KCNQ1: variants seen among roughly 807,000 people sequenced by gnomAD.
KCNQ1 encodes potassium voltage-gated channel subfamily Q member 1.
KCNQ1 carries 49 observed loss-of-function variants against 72.4 expected under a neutral mutation model. The ratio of observed to expected loss-of-function variants is 0.68; its 90% CI spans 0.54 to 0.86. The LOEUF (loss-of-function observed/expected upper bound fraction) is 0.86. KCNQ1 is among the 40% of genes least tolerant of loss of function. KCNQ1 has a pLI of 0.00. For missense variants in KCNQ1, 790 were observed against 945.1 expected (o/e 0.84, Z 2.15); for synonymous variants, 450 against 412.6 (o/e 1.09, Z -1.10).
At position 2,827,262 on chromosome 11, in the gene KCNQ1, C is replaced by T. The variant is rs188329630; in HGVS notation, c.1795-20505C>T. 3.3e-5 allele frequency among the ~76,000 whole-genome samples: 5 copies of T among 152,030 alleles called. No homozygotes were observed. In the East Asian group the frequency reaches 7.8e-4, roughly 24 times the overall value. ...CCAAATAAGAGAGAACTTTGCCACC[C>T]GCAGGGTCCCAGAGTAGCAGAAGCT... is the stretch of plus-strand genomic sequence containing the variant. On this transcript the variant is annotated intron_variant, in intron 15 of 15. Transcript: ENST00000155840. The surrounding 1 kb of genome is among the most constrained non-coding windows in gnomAD (Gnocchi z 6.7).
chr11:2,718,422 C>A (rs778263222), intron 11 of KCNQ1, among the ~76,000 whole-genome samples: 5 of 152,212 alleles, frequency 3.3e-5, no homozygotes, highest in African/African-American at 1.2e-4. Flanking sequence ...GCAGCACCAG[C>A]CCCTCCCCGT....
intron 12 of KCNQ1, among the ~76,000 whole-genome samples, chr11:2,774,760 A>G (rs1846660660): frequency 6.6e-6 from 1 of 152,176 alleles, no homozygotes; most frequent in South Asian, 2.1e-4. Context: ...AAGTGGCTGC[A>G]TCCTCAGATT....
Position 2,445,282 on chromosome 11 carries a change from G to T in KCNQ1, c.184G>T (p.Ala62Ser). 3.1e-6 allele frequency: 4 copies of T among 1,309,596 alleles called. No homozygotes were observed. The highest frequency in any genetic ancestry group is 2.9e-6 in the Non-Finnish European group (3 of 1,035,312). 81.1% of individuals were successfully genotyped at this position (1,309,596 alleles called of 1,614,324 possible). A position where few individuals can be genotyped will look rare whatever the true frequency, so the allele number is the denominator to read the frequency against. The change falls in exon 1 of 16, where the codon GCG becomes TCG. Residue 62 changes from alanine (A) to serine (S), a missense_variant. Ala to Ser is a moderately conservative substitution (Grantham distance 99). Around this residue, in one of 5 missense-constraint regions of KCNQ1, gnomAD observed 294 missense variants for 323.3 expected, o/e 0.91. Coordinates refer to ENST00000155840, the MANE Select transcript of KCNQ1 (RefSeq NM_000218.3). ...CATCGCGCCCGGCGCCCCAGGTCCCGCGCCCCCTGCGTCCCCGGCCGCGCC... is the reference window on the plus strand; with the variant it reads ...CATCGCGCCCGGCGCCCCAGGTCCCTCGCCCCCTGCGTCCCCGGCCGCGCC... ...APIAPGAPGP[A>S]PPASPAAPAA...
rs989880001 is a variant in KCNQ1, at chr11:2,787,804, A to G, written c.1794+9767A>G. The stretch of plus-strand genomic sequence containing the variant: ...TTTACCATTGAAAAAGGAGATTCCC[A>G]TGCCTAAGTCATTTCAAACATACTG... On this transcript the variant is annotated intron_variant, in intron 15 of 15. Coordinates refer to ENST00000155840, the MANE Select transcript of KCNQ1 (RefSeq NM_000218.3). The surrounding 1 kb of genome is among the most constrained non-coding windows in gnomAD (Gnocchi z 6.3). 6.6e-6 allele frequency among the ~76,000 whole-genome samples: 1 copy of G among 152,218 alleles called. No individual in the cohort carries two copies. Among genetic ancestry groups the G allele is most frequent in the African/African-American group, 2.4e-5 (1 of 41,452 alleles).
At position 2,613,136 on chromosome 11, in the gene KCNQ1, G is replaced by A; in HGVS notation, c.1393+24282G>A. ...TGAGCCAGTGAATCTTCCACCCTCT[G>A]CTGAGGGGATCTATGTGTGGGTTGG... On this transcript the variant is annotated intron_variant, in intron 10 of 15. Coordinates refer to ENST00000155840, the MANE Select transcript of KCNQ1 (RefSeq NM_000218.3). This position sits in a 1 kb window ranked among gnomAD's most constrained non-coding sequence, Gnocchi z 4.8. The A allele has an allele frequency of 2.5e-6, 1 of 398,636 alleles. No homozygotes were observed. Among genetic ancestry groups the A allele is most frequent in the Non-Finnish European group, 4.4e-6 (1 of 226,088 alleles). 24.7% of individuals were successfully genotyped at this position (398,636 alleles called of 1,614,324 possible).
At chr11:2,681,733 C>A (rs1432356061) in intron 11 of KCNQ1, 5 of 397,320 alleles carry the variant, frequency 1.3e-5, no homozygotes, top group Non-Finnish European at 2.2e-5. Context: ...GTATTGTGGG[C>A]ACTGATCACA....
intron 1 of KCNQ1, among the ~76,000 whole-genome samples, chr11:2,474,324 G>A (rs1277836482): frequency 6.6e-6 from 1 of 152,166 alleles, no homozygotes; most frequent in Non-Finnish European, 1.5e-5. Flanking sequence ...GCGAGGGTGA[G>A]CCTAGGGCAG....
rs761538546 is a variant in KCNQ1 at position 2,445,338 on chromosome 11, C to T, written c.240C>T (p.Gly80=). The T allele has an allele frequency of 9.4e-6, 15 of 1,590,288 alleles. No homozygotes were observed. The South Asian group carries it at 1.4e-4, about 15-fold the overall frequency. Residue 80 remains glycine, a synonymous_variant, in exon 1 of 16, where the codon GGC becomes GGT. Coordinates refer to ENST00000155840, the MANE Select transcript of KCNQ1 (RefSeq NM_000218.3). The part of the protein sequence containing the change: ...PAAPPVASDL[G]PRPPVSLDPR... Reference sequence around the variant, plus strand: ...CGCCCCCAGTTGCCTCCGACCTTGGCCCGCGGCCGCCGGTGAGCCTAGACC... The same window carrying T: ...CGCCCCCAGTTGCCTCCGACCTTGGTCCGCGGCCGCCGGTGAGCCTAGACC...
chr11:2,681,334 C>T (rs942674980), intron 11 of KCNQ1: 8 of 398,296 alleles, frequency 2.0e-5, no homozygotes, highest in Admixed American at 1.3e-4. Context: ...CAACTGTGAC[C>T]GTCTTTTCCT....
chr11:2,472,226 C>A (rs960616707), intron 1 of KCNQ1, among the ~76,000 whole-genome samples: 2 of 131,412 alleles, frequency 1.5e-5, no homozygotes, highest in African/African-American at 5.9e-5. Flanking sequence ...TGTGTGTGTT[C>A]ATGTATATAT....
At chr11:2,847,428 G>A (rs183616565) in intron 15 of KCNQ1, among the ~76,000 whole-genome samples, 35 of 152,332 alleles carry the variant, frequency 2.3e-4, no homozygotes, top group African/African-American at 6.0e-4. Flanking sequence ...CCTGCCATGC[G>A]GGGATGTGGC....
At chr11:2,757,728 A>T (rs1846327413) in intron 11 of KCNQ1, among the ~76,000 whole-genome samples, 1 of 152,274 alleles carries the variant, frequency 6.6e-6, no homozygotes, top group Admixed American at 6.5e-5. Flanking sequence ...GCTCAACAGA[A>T]CAGAACGAGG....
In KCNQ1 at chr11:2,475,537, A is replaced by G. The variant is rs928315933; in HGVS notation, c.386+30053A>G. The stretch of plus-strand genomic sequence containing the variant: ...TAAAGATTTTCAAGCACACACACCT[A>G]AAGATAGCAGACATTCCATTCAACC... On this transcript the variant is annotated intron_variant, in intron 1 of 15. Transcript: ENST00000155840. The surrounding 1 kb of genome is among the most constrained non-coding windows in gnomAD (Gnocchi z 5.8). Among the ~76,000 whole-genome samples the G allele has an allele frequency of 6.6e-6, 1 of 152,252 alleles. No homozygotes were observed. Among genetic ancestry groups the G allele is most frequent in the Non-Finnish European group, 1.5e-5 (1 of 68,046 alleles).
intron 7 of KCNQ1, among the ~76,000 whole-genome samples, chr11:2,584,476 AGTGTTAGTGT>A (rs1250870329): frequency 6.2e-5 from 9 of 144,628 alleles, no homozygotes; most frequent in African/African-American, 2.1e-4. Flanking sequence ...AGTGTATGTT[AGTGTTAGTGT>A]GTGTTAGTAT....
In KCNQ1 at chr11:2,458,460, T is replaced by C. The variant is rs555136776; in HGVS notation, c.386+12976T>C. Among the ~76,000 whole-genome samples the C allele has an allele frequency of 3.8e-4, 58 of 152,334 alleles. No homozygotes were observed. Among genetic ancestry groups the C allele is most frequent in the Non-Finnish European group, 7.5e-4 (51 of 68,032 alleles). Reference sequence around the variant, plus strand: ...AGTAGCTGATGGGGTTGCGTCCTTCTTTGGGACTCCCGCAGATGCCTGAGG... The same window carrying C: ...AGTAGCTGATGGGGTTGCGTCCTTCCTTGGGACTCCCGCAGATGCCTGAGG... On this transcript the variant is annotated intron_variant, in intron 1 of 15. Coordinates refer to ENST00000155840, the MANE Select transcript of KCNQ1 (RefSeq NM_000218.3). This position sits in a 1 kb window ranked among gnomAD's most constrained non-coding sequence, Gnocchi z 4.6.
chr11:2,645,792 G>A lies in KCNQ1; in HGVS notation c.1394-16169G>A, dbSNP rs1237919312. 1 of 398,760 alleles carries A rather than the reference G, an allele frequency of 2.5e-6. No homozygotes were observed. The highest frequency in any genetic ancestry group is 2.1e-5 in the African/African-American group (1 of 48,748). 24.7% of individuals were successfully genotyped at this position (398,760 alleles called of 1,614,324 possible). A position where few individuals can be genotyped will look rare whatever the true frequency, so the allele number is the denominator to read the frequency against. The stretch of plus-strand genomic sequence containing the variant: ...TGGGGCCCACAGCAGATGCAGTCTG[G>A]TGGGGGTTGGGCTATCAAAATGGGA... On this transcript the variant is annotated intron_variant, in intron 10 of 15. Coordinates refer to ENST00000155840, the MANE Select transcript of KCNQ1 (RefSeq NM_000218.3). This position sits in a 1 kb window ranked among gnomAD's most constrained non-coding sequence, Gnocchi z 5.8.
At chr11:2,655,657 C>A in intron 10 of KCNQ1, 1 of 398,540 alleles carries the variant, frequency 2.5e-6, no homozygotes, top group South Asian at 1.3e-4. Context: ...ACCAGTGTGT[C>A]TGGAAAGAGC....
rs547164135 is a variant in KCNQ1 at position 2,763,614 on chromosome 11, A to C, written c.1515-5230A>C. ...CATATTTTAAAGGCAGGGTCTCTGCATTCCAGGCTCAGAGCTTACAGCAGC... is the reference window on the plus strand; with the variant it reads ...CATATTTTAAAGGCAGGGTCTCTGCCTTCCAGGCTCAGAGCTTACAGCAGC... On this transcript the variant is annotated intron_variant, in intron 11 of 15. Coordinates refer to ENST00000155840, the MANE Select transcript of KCNQ1 (RefSeq NM_000218.3). Among the ~76,000 whole-genome samples the C allele has an allele frequency of 9.5e-4, 144 of 152,364 alleles. 1 individual carries two copies. Among genetic ancestry groups the C allele is most frequent in the Non-Finnish European group, 2.6e-4 (18 of 68,040 alleles).
Position 2,659,091 on chromosome 11 carries a change from T to A in KCNQ1, c.1394-2870T>A, listed in dbSNP as rs1489323553. 2.0e-5 allele frequency: 8 copies of A among 398,466 alleles called. No individual in the cohort carries two copies. Among genetic ancestry groups the A allele is most frequent in the Non-Finnish European group, 3.5e-5 (8 of 226,056 alleles). The allele number at this position is 398,466 out of a possible 1,614,324, so 24.7% of individuals were successfully genotyped here. ...TCATAGTCTGCTTTTCATCGTAGGG[T>A]CCTCCAACATCCGGGTTAATTTTTT... is the stretch of plus-strand genomic sequence containing the variant. On this transcript the variant is annotated intron_variant, in intron 10 of 15. Coordinates refer to ENST00000155840, the MANE Select transcript of KCNQ1 (RefSeq NM_000218.3). The surrounding 1 kb of genome is among the most constrained non-coding windows in gnomAD (Gnocchi z 4.3).
Sources: gnomAD v4.1 joint callset for allele counts (sites outside exome capture counted in the v4.1 genomes callset) on GRCh38, gnomAD v4.1.1 for gene constraint, gnomAD v4.1.1 regional missense constraint, Gnocchi (gnomAD v3.1) non-coding constraint, MANE v1.5 for transcripts, NCBI Gene and HGNC (gene_info 2026-07-23, HGNC 2026-07-21) for gene names.